NCK2: variants seen among roughly 807,000 people sequenced by gnomAD.
The protein encoded by NCK2 is NCK adaptor protein 2, also known as cytoplasmic protein NCK2.
Under a neutral mutation model 33.9 loss-of-function variants are expected in NCK2, and 16 were observed. That is an observed-to-expected ratio of 0.47 (90% CI 0.32 to 0.72). The LOEUF is 0.72. NCK2 is among the 30% of genes least tolerant of loss of function. The probability of loss-of-function intolerance (pLI) is 0.03; values close to 1 mark genes in which losing one functional copy is unlikely to be tolerated. For missense variants in NCK2, 418 were observed against 537.3 expected, an observed-to-expected ratio of 0.78 and a Z score of 2.19; for synonymous variants, 273 against 239.9, an observed-to-expected ratio of 1.14 and a Z score of -1.27.
intron 2 of NCK2, among the ~76,000 whole-genome samples, chr2:105,854,291 T>C (rs1677176008): frequency 6.6e-6 from 1 of 152,226 alleles, no homozygotes; most frequent in African/African-American, 2.4e-5. Context: ...CTTCCAAATT[T>C]GAGCAATTAT....
intron 2 of NCK2, among the ~76,000 whole-genome samples, chr2:105,823,151 TG>T (rs1675811439): frequency 6.6e-6 from 1 of 150,784 alleles, no homozygotes; most frequent in Non-Finnish European, 1.5e-5. Context: ...TGTGTGTGTG[TG>T]TGTGTGTGTG....
intron 1 of NCK2, among the ~76,000 whole-genome samples, chr2:105,790,766 G>C (rs1417713015): frequency 6.6e-6 from 1 of 152,214 alleles, no homozygotes; most frequent in African/African-American, 2.4e-5. Context: ...TAAGGCTGCT[G>C]TCCAGGTGGG....
intron 1 of NCK2, among the ~76,000 whole-genome samples, chr2:105,764,335 C>T (rs994852738): frequency 6.6e-6 from 1 of 152,264 alleles, no homozygotes; most frequent in Non-Finnish European, 1.5e-5. Context: ...TTTAGCCCCA[C>T]AGCTCGAGTG....
At chr2:105,846,497 A>C (rs575897032) in intron 2 of NCK2, 22 of 151,846 alleles carry the variant, frequency 1.4e-4, no homozygotes, top group African/African-American at 5.1e-4. Context: ...AAATAATAGG[A>C]GGGTGTAGCA....
intron 1 of NCK2, among the ~76,000 whole-genome samples, chr2:105,797,235 C>T (rs1691112126): frequency 6.6e-6 from 1 of 152,144 alleles, no homozygotes; most frequent in Admixed American, 6.5e-5. Context: ...CCTATTTCAG[C>T]TCCTATACTA....
At chr2:105,783,034 C>CT (rs1186288078) in intron 1 of NCK2, among the ~76,000 whole-genome samples, 1 of 152,182 alleles carries the variant, frequency 6.6e-6, no homozygotes, top group Non-Finnish European at 1.5e-5. Flanking sequence ...AGGCCAGAGC[C>CT]TTTTTGGGTA....
chr2:105,819,774 C>T (rs373475850), intron 2 of NCK2, among the ~76,000 whole-genome samples: 48 of 152,300 alleles, frequency 3.2e-4, no homozygotes, highest in African/African-American at 1.2e-3. Flanking sequence ...AACCTTGATT[C>T]ACCTATTAAA....
At chr2:105,795,432 GTTTA>G (rs1002560022) in intron 1 of NCK2, among the ~76,000 whole-genome samples, 41 of 152,164 alleles carry the variant, frequency 2.7e-4, no homozygotes, top group East Asian at 7.7e-4. Flanking sequence ...GAATGGGCCT[GTTTA>G]TTTAGTTATT....
At chr2:105,873,143 A>C (rs1678082418) in intron 3 of NCK2, among the ~76,000 whole-genome samples, 1 of 152,230 alleles carries the variant, frequency 6.6e-6, no homozygotes, top group South Asian at 2.1e-4. Flanking sequence ...GTGTCAGCTG[A>C]AGCAGCTAGC....
At chr2:105,887,529 A>G (rs550047370) in intron 4 of NCK2, among the ~76,000 whole-genome samples, 1 of 152,308 alleles carries the variant, frequency 6.6e-6, no homozygotes, top group South Asian at 2.1e-4. Context: ...TCATCATTTC[A>G]TAAAGTCCAA....
chr2:105,765,793 G>GTA (rs1421699030), intron 1 of NCK2, among the ~76,000 whole-genome samples: 1 of 150,780 alleles, frequency 6.6e-6, no homozygotes, highest in Non-Finnish European at 1.5e-5. Context: ...GGGGGTGTGT[G>GTA]TGTGTGTGTG....
chr2:105,790,800 A>C (rs568611566), intron 1 of NCK2, among the ~76,000 whole-genome samples: 1 of 152,196 alleles, frequency 6.6e-6, no homozygotes, highest in Non-Finnish European at 1.5e-5. Context: ...GCTGATGCAC[A>C]TAGGCAAGAC....
intron 1 of NCK2, among the ~76,000 whole-genome samples, chr2:105,783,029 A>G (rs886941320): frequency 2.6e-5 from 4 of 152,232 alleles, no homozygotes; most frequent in African/African-American, 9.6e-5. Flanking sequence ...CCTTAAGGCC[A>G]GAGCCTTTTT....
In NCK2 at chr2:105,893,214, GGTGGAGCT is replaced by G; in HGVS notation, c.*40_*47del. On this transcript the variant is annotated 3_prime_UTR_variant, in exon 5 of 5. Transcript: ENST00000233154. ...CCCACACTCGCCTCCCGGGCCCCAC[GGTGGAGCT>G]GCCCGCCCGGCCTTGTGGCAGAGGC... The G allele has an allele frequency of 6.5e-7, 1 of 1,531,778 alleles. No homozygotes were observed. The highest frequency in any genetic ancestry group is 1.2e-5 in the South Asian group (1 of 82,826). 94.9% of individuals were successfully genotyped at this position (1,531,778 alleles called of 1,614,324 possible).
intron 1 of NCK2, among the ~76,000 whole-genome samples, chr2:105,804,326 G>C (rs1674950343): frequency 6.6e-6 from 1 of 152,232 alleles, no homozygotes; most frequent in Non-Finnish European, 1.5e-5. Flanking sequence ...AGAAGACCTG[G>C]TGGACGAGAA....
intron 3 of NCK2, among the ~76,000 whole-genome samples, chr2:105,858,088 A>G (rs1421778728): frequency 5.4e-5 from 8 of 149,208 alleles, no homozygotes; most frequent in East Asian, 3.9e-4. Context: ...GATAGGAGCC[A>G]AAGTGTTCAT....
Position 105,747,682 on chromosome 2 carries a change from C to T in NCK2, c.-201+2544C>T, listed in dbSNP as rs116475354. ...AACTCCCTACAGCTCACTTCAGATGCTTAGGAAATTAGTTTTCCCATCCAG... is the reference window on the plus strand; with the variant it reads ...AACTCCCTACAGCTCACTTCAGATGTTTAGGAAATTAGTTTTCCCATCCAG... On this transcript the variant is annotated intron_variant, in intron 1 of 4. Coordinates refer to ENST00000233154, the MANE Select transcript of NCK2 (RefSeq NM_003581.5). Among the ~76,000 whole-genome samples the T allele has an allele frequency of 2.8e-3, 426 of 152,308 alleles. 1 individual carries two copies. The highest frequency in any genetic ancestry group is 5.0e-3 in the Non-Finnish European group (340 of 68,022).
chr2:105,758,182 TA>T (rs1689653184), intron 1 of NCK2, among the ~76,000 whole-genome samples: 1 of 152,130 alleles, frequency 6.6e-6, no homozygotes, highest in African/African-American at 2.4e-5. Flanking sequence ...AATACTTCCT[TA>T]TTTTTTTTTA....
At chr2:105,856,507 A>C (rs1430021669) in intron 3 of NCK2, among the ~76,000 whole-genome samples, 1 of 152,238 alleles carries the variant, frequency 6.6e-6, no homozygotes, top group African/African-American at 2.4e-5. Context: ...AATGAGGAAT[A>C]CGTAGGAAAA....
Sources: allele counts gnomAD v4.1 joint callset (sites outside exome capture counted in the v4.1 genomes callset), GRCh38; gene constraint gnomAD v4.1.1; transcripts MANE v1.5; gene names NCBI Gene and HGNC (gene_info 2026-07-23, HGNC 2026-07-21).